The following ADAMTS3 variants were observed in gnomAD, a reference collection of about 807,000 sequenced individuals.
The protein encoded by ADAMTS3 is ADAM metallopeptidase with thrombospondin type 1 motif 3.
A neutral mutation model predicts 129.0 loss-of-function variants in ADAMTS3; 73 were observed. The observed-to-expected ratio is 0.57, with a 90% CI of 0.47 to 0.69. The LOEUF (loss-of-function observed/expected upper bound fraction) is 0.69, where lower values mean the gene tolerates loss of function less well. ADAMTS3 is among the 30% of genes least tolerant of loss of function. The pLI is 0.00. For synonymous variants in ADAMTS3, 477 were observed against 510.8 expected (o/e 0.93, Z 0.89); for missense variants, 1,457 against 1,514.5 (o/e 0.96, Z 0.63).
At chr4:72,298,050 C>T (rs1718851668) in intron 18 of ADAMTS3, among the ~76,000 whole-genome samples, 1 of 151,906 alleles carries the variant, frequency 6.6e-6, no homozygotes, top group South Asian at 2.1e-4. Flanking sequence ...GACAAAGGAC[C>T]TGAGAGAAAA....
At chr4:72,461,154 T>A (rs544645387) in intron 3 of ADAMTS3, among the ~76,000 whole-genome samples, 1 of 151,700 alleles carries the variant, frequency 6.6e-6, no homozygotes, top group East Asian at 1.9e-4. Context: ...CGATGAACTA[T>A]GAAAAACCCA....
chr4:72,391,148 G>A (rs966096988), intron 4 of ADAMTS3, among the ~76,000 whole-genome samples: 8 of 152,184 alleles, frequency 5.3e-5, no homozygotes, highest in Non-Finnish European at 1.0e-4. Flanking sequence ...TTAGAGGGAA[G>A]AAAGGGTAGT....
At chr4:72,391,119 T>C (rs575966217) in intron 4 of ADAMTS3, among the ~76,000 whole-genome samples, 74 of 152,166 alleles carry the variant, frequency 4.9e-4, no homozygotes, top group African/African-American at 1.7e-3. Flanking sequence ...AAATGGGGCA[T>C]TTGGAATAAA....
intron 3 of ADAMTS3, among the ~76,000 whole-genome samples, chr4:72,531,597 A>C (rs957656073): frequency 7.2e-5 from 11 of 152,124 alleles, no homozygotes; most frequent in Admixed American, 6.6e-4. Flanking sequence ...AAGAAGAGTG[A>C]TGGTCCTCAG....
At chr4:72,432,430 G>A (rs1166923738) in intron 3 of ADAMTS3, among the ~76,000 whole-genome samples, 1 of 151,824 alleles carries the variant, frequency 6.6e-6, no homozygotes, top group Non-Finnish European at 1.5e-5. Flanking sequence ...GAGGTCTAGG[G>A]ACAATAACAG....
In ADAMTS3 at chr4:72,430,546, AC is replaced by A. The variant is rs367869174; in HGVS notation, c.505-15576del. Among the ~76,000 whole-genome samples, 35 of 152,084 alleles carry A rather than the reference AC, an allele frequency of 2.3e-4. No individual in the cohort carries two copies. In the South Asian group the frequency reaches 3.3e-3, roughly 14 times the overall value. ...GAGCATTCCCAGGCGAGGAACCCAG[AC>A]TTTCTGAAGCAAAGATAAATCATCC... On this transcript the variant is annotated intron_variant, in intron 3 of 21. Coordinates refer to ENST00000286657, the MANE Select transcript of ADAMTS3 (RefSeq NM_014243.3).
Position 72,303,969 on chromosome 4 carries a change from T to A in ADAMTS3, c.2372A>T (p.Asp791Val), listed in dbSNP as rs200161568. The A allele has an allele frequency of 4.9e-5, 79 of 1,613,750 alleles. No homozygotes were observed. The South Asian group carries it at 8.7e-4, about 18-fold the overall frequency. Reference protein sequence around the residue: ...GVEWDYNIEDDIESLHTDGPL... With the variant: ...GVEWDYNIEDVIESLHTDGPL... ...TCCATCGGTGTGAAGACTTTCAATGTCATCTTCAATGTTATAATCCCACTC... is the reference window on the plus strand; with the variant it reads ...TCCATCGGTGTGAAGACTTTCAATGACATCTTCAATGTTATAATCCCACTC... The change falls in exon 17 of 22, where the codon GAC (aspartate) becomes GTC (valine). Residue 791 changes from aspartate to valine, a missense_variant. Asp to Val is a radical substitution (Grantham distance 152). Coordinates refer to ENST00000286657, the MANE Select transcript of ADAMTS3 (RefSeq NM_014243.3).
At chr4:72,408,492 C>T (rs1031902239) in intron 4 of ADAMTS3, among the ~76,000 whole-genome samples, 4 of 151,908 alleles carry the variant, frequency 2.6e-5, no homozygotes, top group African/African-American at 7.3e-5. Flanking sequence ...AAAGTTAATG[C>T]TTGATGATCC....
At chr4:72,564,987 G>A (rs995002981) in intron 2 of ADAMTS3, among the ~76,000 whole-genome samples, 4 of 152,134 alleles carry the variant, frequency 2.6e-5, no homozygotes, top group African/African-American at 9.7e-5. Context: ...TTGGCATGAG[G>A]GACGTACAGG....
In ADAMTS3 at chr4:72,283,414, C is replaced by T; in HGVS notation, c.3340G>A (p.Ala1114Thr). 6.2e-7 allele frequency: 1 copy of T among 1,614,004 alleles called. No homozygotes were observed. Among genetic ancestry groups the T allele is most frequent in the South Asian group, 1.1e-5 (1 of 91,076 alleles). ...CTGTTTGGCCTGAAAGCAGCATATG[C>T]ATTTGGACCTCCCACTGAAGAGATG... Reference protein sequence around the residue: ...SSISSVGGPNAYAAFRPNSKP... With the variant: ...SSISSVGGPNTYAAFRPNSKP... Residue 1114 changes from alanine to threonine, a missense_variant, in exon 22 of 22, where the codon GCA (alanine) becomes ACA (threonine). Coordinates refer to ENST00000286657, the MANE Select transcript of ADAMTS3 (RefSeq NM_014243.3).
chr4:72,455,906 C>CAGTGTATAT (rs1560522081), intron 3 of ADAMTS3, among the ~76,000 whole-genome samples: 6 of 77,022 alleles, frequency 7.8e-5, no homozygotes, highest in Non-Finnish European at 1.4e-4. Context: ...ATAGTATATA[C>CAGTGTATAT]ACTGTATATA....
intron 3 of ADAMTS3, among the ~76,000 whole-genome samples, chr4:72,510,282 A>G (rs1720277834): frequency 6.6e-6 from 1 of 152,030 alleles, no homozygotes; most frequent in South Asian, 2.1e-4. Context: ...GAGCAATCAG[A>G]CAAGAGAATG....
chr4:72,536,545 C>T (rs1721190086), intron 3 of ADAMTS3, among the ~76,000 whole-genome samples: 1 of 152,158 alleles, frequency 6.6e-6, no homozygotes, highest in Non-Finnish European at 1.5e-5. Flanking sequence ...AAGGGCCAGG[C>T]TGTGTGGAAG....
At chr4:72,551,821 G>GCTCT (rs1403822411) in intron 2 of ADAMTS3, among the ~76,000 whole-genome samples, 1 of 152,112 alleles carries the variant, frequency 6.6e-6, no homozygotes, top group African/African-American at 2.4e-5. Context: ...ATGCTCCTAT[G>GCTCT]CTCTCGTTCA....
chr4:72,305,617 T>A (rs986495149), intron 16 of ADAMTS3, among the ~76,000 whole-genome samples: 1 of 152,012 alleles, frequency 6.6e-6, no homozygotes, highest in Non-Finnish European at 1.5e-5. Flanking sequence ...AAGCTCTACT[T>A]TTTTTATGTT....
At chr4:72,473,909 T>C (rs150655866) in intron 3 of ADAMTS3, among the ~76,000 whole-genome samples, 3 of 152,318 alleles carry the variant, frequency 2.0e-5, no homozygotes, top group African/African-American at 7.2e-5. Context: ...GAGGCCATCC[T>C]CAACATGATG....
rs372406802 is a variant in ADAMTS3 at position 72,427,860 on chromosome 4, G to A, written c.505-12889C>T. 1.4e-4 allele frequency among the ~76,000 whole-genome samples: 22 copies of A among 152,052 alleles called. No homozygotes were observed. The East Asian group carries it at 2.9e-3, about 20-fold the overall frequency. On this transcript the variant is annotated intron_variant, in intron 3 of 21. Transcript: ENST00000286657. ...GTTACATGCCTATTGTAGATGTGCT[G>A]CAACACACACAATATATCTGTTGCT...
chr4:72,503,748 G>A (rs532373663), intron 3 of ADAMTS3, among the ~76,000 whole-genome samples: 1 of 152,198 alleles, frequency 6.6e-6, no homozygotes, highest in South Asian at 2.1e-4. Flanking sequence ...TTCCTAACAG[G>A]TCTAGAAGTA....
chr4:72,355,819 A>C (rs1416639704), intron 4 of ADAMTS3, among the ~76,000 whole-genome samples: 1 of 152,042 alleles, frequency 6.6e-6, no homozygotes, highest in African/African-American at 2.4e-5. Flanking sequence ...CAAATGACTA[A>C]AGAGAAACAA....
Sources: allele counts gnomAD v4.1 joint callset (sites outside exome capture counted in the v4.1 genomes callset), GRCh38; gene constraint gnomAD v4.1.1; transcripts MANE v1.5; gene names NCBI Gene and HGNC (gene_info 2026-07-23, HGNC 2026-07-21).